The following LPP variants were observed in gnomAD, a reference collection of about 807,000 sequenced individuals.
The protein encoded by LPP is lipoma-preferred partner.
In LPP, 38 loss-of-function variants were observed where a neutral mutation model predicts 60.4. The ratio of observed to expected loss-of-function variants is 0.63; its 90% CI spans 0.49 to 0.83. The LOEUF is 0.83. Ranked by LOEUF, LPP falls within the 40% of genes least tolerant of loss-of-function variation. The pLI, the probability that LPP is intolerant of heterozygous loss-of-function variation, is 0.00. For missense variants in LPP, 902 were observed against 783.6 expected (o/e 1.15, Z -1.80); for synonymous variants, 328 against 290.8 (o/e 1.13, Z -1.30).
At chr3:188,505,835 C>A (rs956903687) in intron 5 of LPP, among the ~76,000 whole-genome samples, 2 of 152,280 alleles carry the variant, frequency 1.3e-5, no homozygotes, top group South Asian at 4.2e-4. Flanking sequence ...TATCTGTAAC[C>A]ACTTAGTGGT....
intron 9 of LPP, among the ~76,000 whole-genome samples, chr3:188,865,007 T>G (rs1766232511): frequency 6.6e-6 from 1 of 152,216 alleles, no homozygotes; most frequent in Non-Finnish European, 1.5e-5. Flanking sequence ...CATAGCCATT[T>G]ATATATCCTC....
rs530407566 is a variant in LPP at position 188,889,892 on chromosome 3, A to AT, written c.*15421dup. On this transcript the variant is annotated 3_prime_UTR_variant, in exon 12 of 12. Transcript: ENST00000617246. ...ACCTTGTCCAATTTCCACACTAGTC[A>AT]TTTTTTTTATTTTTTAGAGGATCAG... 25 of 210,612 alleles carry AT rather than the reference A, an allele frequency of 1.2e-4. No homozygotes were observed. The East Asian group carries it at 1.3e-3, about 11-fold the overall frequency. 13.0% of individuals were successfully genotyped at this position (210,612 alleles called of 1,614,324 possible).
intron 6 of LPP, among the ~76,000 whole-genome samples, chr3:188,546,115 C>A (rs990963502): frequency 6.6e-6 from 1 of 152,056 alleles, no homozygotes; most frequent in Non-Finnish European, 1.5e-5. Flanking sequence ...CCTGTGATGA[C>A]GTGGTCCTTC....
chr3:188,271,904 A>G (rs1737871097), intron 2 of LPP, among the ~76,000 whole-genome samples: 1 of 152,124 alleles, frequency 6.6e-6, no homozygotes, highest in Non-Finnish European at 1.5e-5. Flanking sequence ...TTTAAGAGGC[A>G]CCCATAATAG....
intron 2 of LPP, among the ~76,000 whole-genome samples, chr3:188,303,817 A>C (rs1750689760): frequency 6.6e-6 from 1 of 152,316 alleles, no homozygotes; most frequent in Middle Eastern, 3.4e-3. Flanking sequence ...AGGGTTGGCC[A>C]ATGATAATTT....
At chr3:188,618,303 A>G (rs1005601762) in intron 7 of LPP, among the ~76,000 whole-genome samples, 3 of 152,232 alleles carry the variant, frequency 2.0e-5, no homozygotes, top group African/African-American at 7.2e-5. Context: ...TTATTTCAGA[A>G]GGTTGCTTCC....
intron 9 of LPP, among the ~76,000 whole-genome samples, chr3:188,850,893 T>C (rs1049745595): frequency 1.1e-4 from 16 of 152,252 alleles, no homozygotes; most frequent in African/African-American, 3.6e-4. Context: ...TCATAAGGAA[T>C]GATGGAAGGT....
intron 5 of LPP, among the ~76,000 whole-genome samples, chr3:188,512,117 C>T (rs1434552372): frequency 1.3e-5 from 2 of 152,116 alleles, no homozygotes; most frequent in Admixed American, 6.5e-5. Flanking sequence ...GTAAATTCCC[C>T]TTCTAGTTCT....
intron 7 of LPP, among the ~76,000 whole-genome samples, chr3:188,655,303 A>G (rs192140788): frequency 1.2e-3 from 185 of 152,244 alleles, no homozygotes; most frequent in African/African-American, 4.3e-3. Context: ...GCACGTTAAA[A>G]AGTGCCAGAG....
chr3:188,705,301 C>G (rs530013157), intron 7 of LPP, among the ~76,000 whole-genome samples: 1 of 152,236 alleles, frequency 6.6e-6, no homozygotes, highest in African/African-American at 2.4e-5. Flanking sequence ...CTTTATGAAA[C>G]ATGTCTTGTT....
chr3:188,164,195 AG>A (rs751445270), intron 1 of LPP, among the ~76,000 whole-genome samples: 10 of 152,176 alleles, frequency 6.6e-5, no homozygotes, highest in Non-Finnish European at 1.5e-4. Context: ...AAGGATGGGA[AG>A]GCTTAGACCA....
intron 9 of LPP, among the ~76,000 whole-genome samples, chr3:188,776,517 C>A (rs1316902858): frequency 6.6e-6 from 1 of 152,114 alleles, no homozygotes. Flanking sequence ...CAGGCTTTTT[C>A]ACAAAAGTAT....
Position 188,308,252 on chromosome 3 carries a change from G to A in LPP, c.-66-33411G>A, listed in dbSNP as rs541260891. On this transcript the variant is annotated intron_variant, in intron 2 of 11. Coordinates refer to ENST00000617246, the MANE Select transcript of LPP (RefSeq NM_001375462.1). The stretch of plus-strand genomic sequence containing the variant: ...TCTTATGATGAATAGTGTTAATATC[G>A]CAGCACACTATGGGCTGTGATATGC... Among the ~76,000 whole-genome samples the A allele has an allele frequency of 1.5e-4, 23 of 152,116 alleles. No individual in the cohort carries two copies. In the South Asian group the frequency reaches 3.5e-3, roughly 23 times the overall value.
chr3:188,536,217 C>T (rs550205047), intron 6 of LPP, among the ~76,000 whole-genome samples: 1 of 152,252 alleles, frequency 6.6e-6, no homozygotes, highest in African/African-American at 2.4e-5. Context: ...CCATGTTGGT[C>T]AGGGTGGCCT....
intron 4 of LPP, among the ~76,000 whole-genome samples, chr3:188,434,671 A>G (rs1051255220): frequency 1.3e-5 from 2 of 152,196 alleles, no homozygotes; most frequent in African/African-American, 4.8e-5. Flanking sequence ...CCCCTGGACT[A>G]TCTTCAGTTT....
At chr3:188,464,363 T>G (rs1560439041) in intron 4 of LPP, among the ~76,000 whole-genome samples, 1 of 152,174 alleles carries the variant, frequency 6.6e-6, no homozygotes, top group Non-Finnish European at 1.5e-5. Flanking sequence ...AATAAAACAT[T>G]TGTAAAAATT....
At chr3:188,344,052 T>C (rs963935604) in intron 3 of LPP, among the ~76,000 whole-genome samples, 2 of 152,198 alleles carry the variant, frequency 1.3e-5, no homozygotes, top group African/African-American at 2.4e-5. Context: ...TGCAACAGTA[T>C]ACCCTGTTTA....
chr3:188,581,285 T>C (rs1388535589), intron 6 of LPP, among the ~76,000 whole-genome samples: 3 of 151,778 alleles, frequency 2.0e-5, no homozygotes, highest in African/African-American at 7.3e-5. Context: ...TGATGATAGG[T>C]CTAGGGAACA....
At chr3:188,321,555 G>C (rs956759724) in intron 2 of LPP, among the ~76,000 whole-genome samples, 2 of 152,088 alleles carry the variant, frequency 1.3e-5, no homozygotes, top group African/African-American at 4.8e-5. Context: ...ATTTTAAAAA[G>C]TCTAATTCAG....
Sources: allele counts gnomAD v4.1 joint callset (sites outside exome capture counted in the v4.1 genomes callset), GRCh38; gene constraint gnomAD v4.1.1; transcripts MANE v1.5; gene names NCBI Gene and HGNC (gene_info 2026-07-23, HGNC 2026-07-21).